Variants in PCSK5 observed in about 807,000 individuals in gnomAD.
The protein encoded by PCSK5 is prohormone convertase 5.
Under a neutral mutation model 233.2 loss-of-function variants are expected in PCSK5, and 129 were observed. The observed-to-expected ratio is 0.55, with a 90% CI of 0.48 to 0.64. The LOEUF is 0.64. Among genes scored for constraint, PCSK5 ranks in the 30% least tolerant of loss-of-function variants. The pLI is 0.00. For missense variants in PCSK5, 2,076 were observed against 2,430.1 expected, an observed-to-expected ratio of 0.85 and a Z score of 3.06; for synonymous variants, 825 against 879.2, an observed-to-expected ratio of 0.94 and a Z score of 1.09.
intron 5 of PCSK5, among the ~76,000 whole-genome samples, chr9:76,027,793 C>T (rs1184295404): frequency 6.6e-6 from 1 of 152,032 alleles, no homozygotes; most frequent in African/African-American, 2.4e-5. Flanking sequence ...TAATTTTTTT[C>T]CCTTTTACTA....
chr9:75,972,169 G>T (rs1270011057), intron 2 of PCSK5, among the ~76,000 whole-genome samples: 3 of 152,154 alleles, frequency 2.0e-5, no homozygotes, highest in Admixed American at 6.5e-5. Context: ...TGTCAGGTTT[G>T]TTGAAGATCA....
chr9:76,239,187 T>G, intron 23 of PCSK5, 22 bp downstream of exon 23: 2 of 1,538,114 alleles, frequency 1.3e-6, no homozygotes, highest in Non-Finnish European at 1.8e-6. Context: ...CCTGGGCCCT[T>G]GCCCAGCACC....
Position 76,293,058 on chromosome 9 carries a change from G to A in PCSK5, c.3185+783G>A, listed in dbSNP as rs115823039. On this transcript the variant is annotated intron_variant, in intron 25 of 37. Coordinates refer to ENST00000674117, the MANE Select transcript of PCSK5 (RefSeq NM_001372043.1). ...TGAAGAGAAAACTGAAGCTCAGAGA[G>A]GGGCAAGGTTTTACTCCAGTTGCAC... is the stretch of plus-strand genomic sequence containing the variant. Among the ~76,000 whole-genome samples, 194 of 152,290 alleles carry A rather than the reference G, an allele frequency of 1.3e-3. 1 individual carries two copies. The highest frequency in any genetic ancestry group is 4.5e-3 in the African/African-American group (189 of 41,560).
intron 1 of PCSK5, among the ~76,000 whole-genome samples, chr9:75,906,025 A>C (rs1000734370): frequency 6.6e-6 from 1 of 152,234 alleles, no homozygotes; most frequent in African/African-American, 2.4e-5. Context: ...GGCACAATAC[A>C]ATTACATTTG....
At chr9:75,920,137 G>A (rs1252009237) in intron 1 of PCSK5, among the ~76,000 whole-genome samples, 1 of 152,130 alleles carries the variant, frequency 6.6e-6, no homozygotes, top group African/African-American at 2.4e-5. Flanking sequence ...CAGCCTGAGA[G>A]ACAGAGTGAG....
At chr9:76,020,606 T>C (rs1209425329) in intron 3 of PCSK5, among the ~76,000 whole-genome samples, 9 of 152,186 alleles carry the variant, frequency 5.9e-5, no homozygotes, top group Admixed American at 5.9e-4. Context: ...ACCATAGTGA[T>C]GTATATAAAG....
intron 21 of PCSK5, among the ~76,000 whole-genome samples, chr9:76,231,819 G>A (rs900894056): frequency 3.9e-5 from 6 of 152,196 alleles, no homozygotes; most frequent in African/African-American, 1.4e-4. Context: ...AGCCAGATGT[G>A]TGTGAGTGTC....
At chr9:76,025,585 C>G (rs1420394665) in intron 4 of PCSK5, among the ~76,000 whole-genome samples, 1 of 152,064 alleles carries the variant, frequency 6.6e-6, no homozygotes, top group Non-Finnish European at 1.5e-5. Flanking sequence ...ATCTGTATTC[C>G]TATACTATTT....
intron 3 of PCSK5, among the ~76,000 whole-genome samples, chr9:75,997,825 G>GGT: frequency 6.6e-6 from 1 of 152,170 alleles, no homozygotes; most frequent in Admixed American, 6.5e-5. Context: ...TTGTCTGGAT[G>GGT]GTGTCTATTC....
chr9:76,071,819 G>A lies in PCSK5; in HGVS notation c.815G>A (p.Trp272Ter). ...PQHVHIYSAS[W>*]GPDDDGKTVD... ...CACGTGCACATTTACAGCGCCAGCT[G>A]GGGCCCGGATGATGATGGCAAGACT... Residue 272 changes from tryptophan (W) to a stop codon, truncating the protein, a stop_gained, in exon 7 of 38, where the codon TGG becomes TAG. Coordinates refer to ENST00000674117, the MANE Select transcript of PCSK5 (RefSeq NM_001372043.1). LOFTEE classifies it high-confidence loss of function. The A allele has an allele frequency of 6.2e-7, 1 of 1,614,212 alleles. No individual in the cohort carries two copies. The highest frequency in any genetic ancestry group is 8.5e-7 in the Non-Finnish European group (1 of 1,180,036).
At chr9:76,013,392 G>A (rs141435430) in intron 3 of PCSK5, among the ~76,000 whole-genome samples, 2,115 of 152,230 alleles carry the variant, frequency 0.014, 42 homozygotes, top group Middle Eastern at 0.044. Context: ...TGCCACCTGT[G>A]TGACTTGGCT....
chr9:75,944,801 C>T (rs1006933595), intron 2 of PCSK5, among the ~76,000 whole-genome samples: 3 of 152,074 alleles, frequency 2.0e-5, no homozygotes, highest in Non-Finnish European at 2.9e-5. Flanking sequence ...TTAATAAGCA[C>T]CTAAAATGTA....
intron 2 of PCSK5, among the ~76,000 whole-genome samples, chr9:75,964,310 A>T (rs1007536157): frequency 2.3e-4 from 35 of 152,336 alleles, no homozygotes; most frequent in African/African-American, 7.5e-4. Flanking sequence ...AGTTCTAAAA[A>T]TATCTTATAT....
chr9:76,117,059 A>G (rs1447983382), intron 9 of PCSK5, among the ~76,000 whole-genome samples: 1 of 152,264 alleles, frequency 6.6e-6, no homozygotes, highest in Non-Finnish European at 1.5e-5. Context: ...GCTTGTTACC[A>G]TAATTTCCTT....
At chr9:76,240,492 T>G in intron 23 of PCSK5, 124 bp from the exon 24 acceptor site, 1 of 701,842 alleles carries the variant, frequency 1.4e-6, no homozygotes, top group Non-Finnish European at 2.5e-6. Context: ...AGGACGGTTT[T>G]GGGCTTCATA....
chr9:76,242,746 G>T (rs116063006), intron 24 of PCSK5, among the ~76,000 whole-genome samples: 178 of 152,228 alleles, frequency 1.2e-3, no homozygotes, highest in African/African-American at 4.2e-3. Flanking sequence ...GTCTTCTCTG[G>T]CATCTTTGCT....
chr9:76,295,933 GAGA>G (rs759326164), intron 26 of PCSK5, among the ~76,000 whole-genome samples: 2 of 152,218 alleles, frequency 1.3e-5, no homozygotes, highest in Admixed American at 6.5e-5. Flanking sequence ...GAGAAAGAAT[GAGA>G]AGGACAGCCC....
chr9:76,202,339 C>T (rs377624992), intron 20 of PCSK5, among the ~76,000 whole-genome samples: 39 of 152,334 alleles, frequency 2.6e-4, no homozygotes, highest in African/African-American at 8.7e-4. Context: ...GAACACACCC[C>T]ATCTGTCCAC....
intron 2 of PCSK5, among the ~76,000 whole-genome samples, chr9:75,950,764 G>C (rs1281683289): frequency 6.6e-6 from 1 of 152,142 alleles, no homozygotes; most frequent in Non-Finnish European, 1.5e-5. Flanking sequence ...ATCAAGGCTA[G>C]GAAGAAACTG....
Sources: allele counts gnomAD v4.1 joint callset (sites outside exome capture counted in the v4.1 genomes callset), GRCh38; gene constraint gnomAD v4.1.1; transcripts MANE v1.5; gene names NCBI Gene and HGNC (gene_info 2026-07-23, HGNC 2026-07-21).